The following SERPINA1 variants were observed in gnomAD, a reference collection of about 807,000 sequenced individuals.
SERPINA1 encodes the protein serpin family A member 1, also known as alpha-1-antitrypsin.
SERPINA1 carries 21 observed loss-of-function variants against 25.4 expected under a neutral mutation model. The ratio of observed to expected loss-of-function variants is 0.83; its 90% CI spans 0.59 to 1.19. The LOEUF is 1.19. Among genes scored for constraint, SERPINA1 ranks in the 50% most tolerant of loss-of-function variants. The pLI is 0.00. For synonymous variants in SERPINA1, 218 were observed against 211.1 expected, an observed-to-expected ratio of 1.03 and a Z score of -0.29; for missense variants, 546 against 509.0, an observed-to-expected ratio of 1.07 and a Z score of -0.70.
chr14:94,384,885 C>T lies in SERPINA1; in HGVS notation c.-4-1644G>A, dbSNP rs148706523. On this transcript the variant is annotated intron_variant, in intron 1 of 4. Coordinates refer to ENST00000393087, the MANE Select transcript of SERPINA1 (RefSeq NM_000295.5). The stretch of plus-strand genomic sequence containing the variant: ...GAAGTGCAAAGCTGGTTTCTCTCCA[C>T]CACCTTTCTCCTGGCCCTCGTGCCT... 4.3e-3 allele frequency among the ~76,000 whole-genome samples: 660 copies of T among 152,362 alleles called. 4 individuals are homozygous for T. Among genetic ancestry groups the T allele is most frequent in the African/African-American group, 0.015 (619 of 41,578 alleles).
chr14:94,379,413 A>T (rs761635097), intron 4 of SERPINA1, 51 bp downstream of exon 4: 3 of 1,607,956 alleles, frequency 1.9e-6, no homozygotes, highest in African/African-American at 2.7e-5. Context: ...GCCCCCACAC[A>T]TTCTTCCCTA....
intron 2 of SERPINA1, 70 bp from the exon 3 acceptor site, chr14:94,381,211 A>C: frequency 1.3e-6 from 2 of 1,500,080 alleles, no homozygotes; most frequent in Non-Finnish European, 1.8e-6. Context: ...AGAATAAAGA[A>C]ACCATGAGTC....
At chr14:94,382,187 G>A (rs775520673) in intron 2 of SERPINA1, among the ~76,000 whole-genome samples, 4 of 152,216 alleles carry the variant, frequency 2.6e-5, no homozygotes, top group Non-Finnish European at 5.9e-5. Context: ...TTAGAGGCAG[G>A]ATTTGAACCC....
intron 2 of SERPINA1, among the ~76,000 whole-genome samples, chr14:94,382,375 A>G (rs188782252): frequency 6.6e-6 from 1 of 152,390 alleles, no homozygotes; most frequent in East Asian, 1.9e-4. Flanking sequence ...AGTTCTGCAG[A>G]GCTGTCAGTA....
At position 94,383,228 on chromosome 14, in the gene SERPINA1, A is replaced by G. The variant is rs1259380442; in HGVS notation, c.10T>C (p.Ser4Pro). 6.2e-7 allele frequency: 1 copy of G among 1,612,284 alleles called. No homozygotes were observed. The highest frequency in any genetic ancestry group is 1.7e-5 in the Admixed American group (1 of 60,028). Reference sequence around the variant, plus strand: ...AGCAGGAGGATGCCCCACGAGACAGAAGACGGCATTGTCCTGCAAGACAGA... The same window carrying G: ...AGCAGGAGGATGCCCCACGAGACAGGAGACGGCATTGTCCTGCAAGACAGA... MPS[S>P]VSWGILLLAG... Residue 4 changes from serine to proline, a missense_variant, in exon 2 of 5, where the codon TCT (serine) becomes CCT (proline). Coordinates refer to ENST00000393087, the MANE Select transcript of SERPINA1 (RefSeq NM_000295.5).
At chr14:94,378,665 C>A (rs372571769) in intron 4 of SERPINA1, 25 bp from the exon 5 acceptor site, 1 of 1,608,948 alleles carries the variant, frequency 6.2e-7, no homozygotes, top group Non-Finnish European at 8.5e-7. Flanking sequence ...AGCAGAGACA[C>A]GTTGTAAGGC....
At chr14:94,379,217 G>A (rs939775991) in intron 4 of SERPINA1, 6 of 610,284 alleles carry the variant, frequency 9.8e-6, no homozygotes, top group South Asian at 5.9e-5. Flanking sequence ...GGGCAAAGTT[G>A]AAATTCAGGG....
At position 94,388,221 on chromosome 14, in the gene SERPINA1, C is replaced by T. The variant is rs190546537; in HGVS notation, c.-5+339G>A. On this transcript the variant is annotated intron_variant, in intron 1 of 4. Coordinates refer to ENST00000393087, the MANE Select transcript of SERPINA1 (RefSeq NM_000295.5). ...CTGTGCAAACAGAAAGAAATGGCTG[C>T]GCTTTGTTGCTGTTGCTGTATCTTG... 1.6e-4 allele frequency among the ~76,000 whole-genome samples: 24 copies of T among 152,246 alleles called. No individual in the cohort carries two copies. In the East Asian group the frequency reaches 3.3e-3, roughly 21 times the overall value.
chr14:94,380,789 T>C, intron 3 of SERPINA1, 82 bp downstream of exon 3: 1 of 1,579,940 alleles, frequency 6.3e-7, no homozygotes, highest in Non-Finnish European at 8.7e-7. Context: ...CTCAGCCCTC[T>C]GGCCAGTCCT....
chr14:94,379,675 C>G (rs1896720387), intron 3 of SERPINA1, 64 bp from the exon 4 acceptor site: 1 of 1,608,930 alleles, frequency 6.2e-7, no homozygotes, highest in Non-Finnish European at 8.5e-7. Flanking sequence ...TGGGACCCAC[C>G]ACAGTGCAAG....
At chr14:94,380,653 C>T (rs1435821172) in intron 3 of SERPINA1, 1 of 621,058 alleles carries the variant, frequency 1.6e-6, no homozygotes, top group Admixed American at 2.7e-5. Flanking sequence ...ACCTTTACCT[C>T]CTCACCCCTG....
At chr14:94,388,106 A>G (rs1004629062) in intron 1 of SERPINA1, among the ~76,000 whole-genome samples, 2 of 152,024 alleles carry the variant, frequency 1.3e-5, no homozygotes, top group African/African-American at 4.8e-5. Flanking sequence ...CCTCATCTAT[A>G]GAAGGGGAGA....
intron 3 of SERPINA1, chr14:94,380,644 C>A (rs796596696): frequency 1.7e-6 from 1 of 603,722 alleles, no homozygotes; most frequent in Non-Finnish European, 3.0e-6. Context: ...AGGGACGAGA[C>A]CTTTACCTCC....
At chr14:94,383,314 A>C (rs1897095769) in intron 1 of SERPINA1, 73 bp from the exon 2 acceptor site, 1 of 1,514,498 alleles carries the variant, frequency 6.6e-7, no homozygotes. Context: ...AGGGATTGAC[A>C]CCACGTGGAA....
At chr14:94,380,847 G>T (rs763731288) in intron 3 of SERPINA1, 24 bp downstream of exon 3, 2 of 1,614,176 alleles carry the variant, frequency 1.2e-6, no homozygotes, top group East Asian at 4.5e-5. Context: ...CAGCTTCTTG[G>T]TCACCCTCAG....
chr14:94,384,484 G>A (rs1897166436), intron 1 of SERPINA1, among the ~76,000 whole-genome samples: 1 of 152,116 alleles, frequency 6.6e-6, no homozygotes, highest in Non-Finnish European at 1.5e-5. Flanking sequence ...GGCTGAACCA[G>A]CGAGAGCAGG....
chr14:94,379,146 C>T (rs1302400436), intron 4 of SERPINA1: 2 of 584,570 alleles, frequency 3.4e-6, no homozygotes, highest in African/African-American at 3.7e-5. Flanking sequence ...TTTGAAACAA[C>T]TTAGCCCAAA....
At chr14:94,390,088 C>G (rs1224061944), upstream of SERPINA1, 1 of 152,192 alleles carries the variant, frequency 6.6e-6, no homozygotes, top group Admixed American at 6.5e-5. Context: ...ACTTGAAGAG[C>G]TTTCCTCCAG....
intron 1 of SERPINA1, among the ~76,000 whole-genome samples, chr14:94,384,682 C>T (rs972673040): frequency 2.0e-5 from 3 of 152,140 alleles, no homozygotes; most frequent in East Asian, 1.9e-4. Context: ...TGCCCGGCAG[C>T]CACATTGTTA....
Sources: allele counts gnomAD v4.1 joint callset (sites outside exome capture counted in the v4.1 genomes callset), GRCh38; gene constraint gnomAD v4.1.1; transcripts MANE v1.5; gene names NCBI Gene and HGNC (gene_info 2026-07-23, HGNC 2026-07-21).